VPS8: variants seen among roughly 807,000 people sequenced by gnomAD.
VPS8 encodes vacuolar protein sorting-associated protein 8 homolog.
Under a neutral mutation model 216.4 loss-of-function variants are expected in VPS8, and 129 were observed. The observed-to-expected ratio is 0.60, with a 90% CI of 0.52 to 0.69. VPS8 has a LOEUF of 0.69. Among genes scored for constraint, VPS8 ranks in the 30% least tolerant of loss-of-function variants. The pLI, the probability that VPS8 is intolerant of heterozygous loss-of-function variation, is 0.00. For missense variants in VPS8, 1,531 were observed against 1,683.5 expected (o/e 0.91, Z 1.59); for synonymous variants, 571 against 565.4 (o/e 1.01, Z -0.14).
intron 42 of VPS8, among the ~76,000 whole-genome samples, chr3:184,991,382 G>C (rs1291709720): frequency 6.6e-6 from 1 of 152,202 alleles, no homozygotes; most frequent in African/African-American, 2.4e-5. Context: ...TAGTGGGTTG[G>C]AGCATGCTGT....
intron 11 of VPS8, among the ~76,000 whole-genome samples, chr3:184,853,565 C>T (rs1325655410): frequency 6.6e-6 from 1 of 152,120 alleles, no homozygotes; most frequent in Non-Finnish European, 1.5e-5. Flanking sequence ...TTGTCAGGAA[C>T]ACAATAATGG....
rs190881448 is a variant in VPS8, at chr3:185,035,618, A to G, written c.4056+11229A>G. ...TCAAAGGAACATACCTCAAAATAAT[A>G]AGAGCCATCTTTGACAAATGCACAG... On this transcript the variant is annotated intron_variant, in intron 46 of 47. Coordinates refer to ENST00000625842, the MANE Select transcript of VPS8 (RefSeq NM_001009921.3). Among the ~76,000 whole-genome samples, 3 of 152,318 alleles carry G rather than the reference A, an allele frequency of 2.0e-5. No individual in the cohort carries two copies. In the East Asian group the frequency reaches 5.8e-4, roughly 29 times the overall value.
rs1739258072 is a variant in VPS8 at position 184,924,752 on chromosome 3, T to C, written c.2455-110T>C. 5 of 1,356,794 alleles carry C rather than the reference T, an allele frequency of 3.7e-6. No individual in the cohort carries two copies. In the South Asian group the frequency reaches 6.1e-5, roughly 17 times the overall value. The allele number at this position is 1,356,794 out of a possible 1,614,324, so 84.0% of individuals were successfully genotyped here. On this transcript the variant is annotated intron_variant, in intron 29 of 47. Transcript: ENST00000625842. ...AATTGTTGCACAGTCAATAAAAGAA[T>C]CTTTTTACGCGTCTTCAGTCATGAG...
At chr3:184,882,694 A>G (rs1473722161) in intron 21 of VPS8, among the ~76,000 whole-genome samples, 1 of 152,000 alleles carries the variant, frequency 6.6e-6, no homozygotes, top group Non-Finnish European at 1.5e-5. Context: ...AAACATGGAG[A>G]TTTATTTTTG....
intron 1 of VPS8, among the ~76,000 whole-genome samples, chr3:184,821,058 A>G (rs1271238593): frequency 6.6e-6 from 1 of 152,230 alleles, no homozygotes; most frequent in East Asian, 1.9e-4. Flanking sequence ...GAAAACTTTG[A>G]AAATTTTGAG....
At chr3:184,890,051 A>G (rs1732056478) in intron 22 of VPS8, among the ~76,000 whole-genome samples, 1 of 152,198 alleles carries the variant, frequency 6.6e-6, no homozygotes, top group Admixed American at 6.5e-5. Flanking sequence ...CATAGATAAT[A>G]AGGTTAAAAA....
At chr3:185,032,951 G>T (rs1326548498) in intron 46 of VPS8, among the ~76,000 whole-genome samples, 1 of 152,186 alleles carries the variant, frequency 6.6e-6, no homozygotes, top group Non-Finnish European at 1.5e-5. Context: ...ACAGGCGTGA[G>T]CCACCCCGCC....
chr3:184,928,474 T>G lies in VPS8; in HGVS notation c.2655T>G (p.Ala885=). The G allele has an allele frequency of 6.5e-7, 1 of 1,534,496 alleles. No individual in the cohort carries two copies. Among genetic ancestry groups the G allele is most frequent in the Non-Finnish European group, 8.7e-7 (1 of 1,153,076 alleles). ...RQQVLLELLQ[A]GGIVQFEESR... The stretch of plus-strand genomic sequence containing the variant: ...AGGTCCTTTTAGAATTGCTGCAGGC[T>G]GGAGGCATAGTTCAATTTGAAGAGA... Residue 885 remains alanine, a synonymous_variant, in exon 32 of 48, where the codon GCT becomes GCG. Transcript: ENST00000625842.
In VPS8 at chr3:184,983,016, G is replaced by A. The variant is rs1750464125; in HGVS notation, c.3507G>A (p.Leu1169=). The A allele has an allele frequency of 1.9e-6, 3 of 1,601,298 alleles. No homozygotes were observed. The highest frequency in any genetic ancestry group is 2.7e-5 in the African/African-American group (2 of 74,540). ...GTTAATATTTTGTTATAACAGCTCTGAAGTCTTTGACCATGCAAGTTTTAA... is the reference window on the plus strand; with the variant it reads ...GTTAATATTTTGTTATAACAGCTCTAAAGTCTTTGACCATGCAAGTTTTAA... ...SAIPHLHSEA[L]KSLTMQVLNS... The change falls in exon 42 of 48, where the codon CTG becomes CTA. Residue 1169 remains leucine, a synonymous_variant. Coordinates refer to ENST00000625842, the MANE Select transcript of VPS8 (RefSeq NM_001009921.3).
At chr3:185,051,449 G>C (rs1365057596) in intron 47 of VPS8, among the ~76,000 whole-genome samples, 1 of 152,114 alleles carries the variant, frequency 6.6e-6, no homozygotes, top group East Asian at 1.9e-4. Flanking sequence ...ACCCCGAGGA[G>C]AGTGCACCAA....
chr3:184,936,661 A>G (rs1403950456), intron 35 of VPS8, among the ~76,000 whole-genome samples: 1 of 151,722 alleles, frequency 6.6e-6, no homozygotes, highest in Non-Finnish European at 1.5e-5. Flanking sequence ...TGGAACTATA[A>G]TGTACTTATC....
chr3:184,902,232 C>T (rs1302835628), intron 25 of VPS8, among the ~76,000 whole-genome samples: 3 of 151,592 alleles, frequency 2.0e-5, no homozygotes, highest in Admixed American at 2.0e-4. Context: ...AATCCCAGCA[C>T]TTTGGGAGGC....
chr3:184,903,638 G>A (rs1461059033), intron 25 of VPS8, among the ~76,000 whole-genome samples: 3 of 151,618 alleles, frequency 2.0e-5, no homozygotes, highest in African/African-American at 7.3e-5. Context: ...TCTCAAGACA[G>A]GGTCTTGCTA....
intron 24 of VPS8, among the ~76,000 whole-genome samples, chr3:184,898,911 C>T (rs151258218): frequency 6.6e-6 from 1 of 152,164 alleles, no homozygotes; most frequent in East Asian, 1.9e-4. Context: ...TAAATTAATG[C>T]TTGCTTGTTA....
At chr3:185,044,143 T>C (rs1197655863) in intron 46 of VPS8, among the ~76,000 whole-genome samples, 48 of 152,150 alleles carry the variant, frequency 3.2e-4, no homozygotes, top group Admixed American at 3.0e-3. Context: ...TGAGCTGATA[T>C]CGTGCCACTG....
chr3:184,911,036 T>C lies in VPS8; in HGVS notation c.2147-2483T>C, dbSNP rs192780143. ...AATCTTTTTGAGGCAAAGTTGAAAATTGCCTTTCACATCTCTCTCTACCAG... is the reference window on the plus strand; with the variant it reads ...AATCTTTTTGAGGCAAAGTTGAAAACTGCCTTTCACATCTCTCTCTACCAG... On this transcript the variant is annotated intron_variant, in intron 25 of 47. Coordinates refer to ENST00000625842, the MANE Select transcript of VPS8 (RefSeq NM_001009921.3). 4.8e-4 allele frequency among the ~76,000 whole-genome samples: 73 copies of C among 152,296 alleles called. No individual in the cohort carries two copies. In the East Asian group the frequency reaches 0.014, roughly 29 times the overall value.
intron 37 of VPS8, among the ~76,000 whole-genome samples, chr3:184,959,223 G>T (rs773282364): frequency 6.6e-6 from 1 of 152,072 alleles, no homozygotes; most frequent in Non-Finnish European, 1.5e-5. Context: ...AAGGTACCAG[G>T]CCAGTTTTTC....
At chr3:185,049,814 C>T (rs1204829880) in intron 47 of VPS8, among the ~76,000 whole-genome samples, 3 of 152,160 alleles carry the variant, frequency 2.0e-5, no homozygotes, top group Non-Finnish European at 4.4e-5. Context: ...TTAGGCAGAA[C>T]CTACTAGGTT....
rs539310698 is a variant in VPS8, at chr3:184,896,798, A to G, written c.2005-1767A>G. ...GTACAAAAATCCAGAAAGTATTTCA[A>G]TACAAGTATTATGTTAAAAATCAAA... On this transcript the variant is annotated intron_variant, in intron 23 of 47. Transcript: ENST00000625842. Among the ~76,000 whole-genome samples the G allele has an allele frequency of 2.4e-4, 37 of 152,366 alleles. No homozygotes were observed. In the East Asian group the frequency reaches 5.6e-3, roughly 23 times the overall value.
Sources: gnomAD v4.1 joint callset for allele counts (sites outside exome capture counted in the v4.1 genomes callset) on GRCh38, gnomAD v4.1.1 for gene constraint, MANE v1.5 for transcripts, NCBI Gene and HGNC (gene_info 2026-07-23, HGNC 2026-07-21) for gene names.